Variants in PROS1 observed in about 807,000 individuals in gnomAD.
PROS1 encodes the protein protein S.
A neutral mutation model predicts 75.9 loss-of-function variants in PROS1; 29 were observed. The observed-to-expected ratio is 0.38, with a 90% confidence interval of 0.28 to 0.52. The LOEUF (loss-of-function observed/expected upper bound fraction) is 0.52. Among genes scored for constraint, PROS1 ranks in the 20% least tolerant of loss-of-function variants. PROS1 has a pLI of 0.83. For synonymous variants in PROS1, 245 were observed against 280.6 expected, an observed-to-expected ratio of 0.87 and a Z score of 1.27; for missense variants, 680 against 810.3, an observed-to-expected ratio of 0.84 and a Z score of 1.95.
At chr3:93,970,194 G>A (rs538252753) in intron 1 of PROS1, among the ~76,000 whole-genome samples, 4 of 152,304 alleles carry the variant, frequency 2.6e-5, no homozygotes, top group African/African-American at 7.2e-5. Flanking sequence ...TGAGTCAGTA[G>A]TGTCTAGAGT....
intron 12 of PROS1, among the ~76,000 whole-genome samples, chr3:93,883,637 T>C (rs1314383567): frequency 6.6e-6 from 1 of 151,104 alleles, no homozygotes; most frequent in African/African-American, 2.4e-5. Context: ...AAAAACTAGC[T>C]ACCAAACCAT....
chr3:93,914,554 T>C (rs1412529784), intron 3 of PROS1, among the ~76,000 whole-genome samples: 1 of 152,194 alleles, frequency 6.6e-6, no homozygotes, highest in Middle Eastern at 3.2e-3. Flanking sequence ...GGAAACTGCA[T>C]CAAGGTCTTG....
chr3:93,925,861 T>A (rs1709009494), intron 2 of PROS1, among the ~76,000 whole-genome samples: 1 of 150,692 alleles, frequency 6.6e-6, no homozygotes, highest in African/African-American at 2.4e-5. Context: ...TTTTCATTTC[T>A]CCCCTTTCTG....
Position 93,900,828 on chromosome 3 carries a change from T to A in PROS1, c.703A>T (p.Asn235Tyr), listed in dbSNP as rs779679020. The A allele has an allele frequency of 6.2e-7, 1 of 1,613,546 alleles. No homozygotes were observed. Among genetic ancestry groups the A allele is most frequent in the Non-Finnish European group, 8.5e-7 (1 of 1,179,928 alleles). The change falls in exon 7 of 15, where the codon AAT becomes TAT. Residue 235 changes from asparagine (N) to tyrosine (Y), a missense_variant. Transcript: ENST00000394236. The stretch of plus-strand genomic sequence containing the variant: ...CCTTCACAAGACTTTGATTTGAGAT[T>A]ATATCTGTAGCCTTCGGGGCATTCA... ...ECECPEGYRY[N>Y]LKSKSCEDID...
intron 1 of PROS1, among the ~76,000 whole-genome samples, chr3:93,951,838 T>C (rs1218704688): frequency 6.6e-6 from 1 of 152,028 alleles, no homozygotes; most frequent in Non-Finnish European, 1.5e-5. Flanking sequence ...AGGAGACCAA[T>C]CTCATGTGCA....
rs1382694911 is a variant in PROS1, at chr3:93,884,745, T to C, written c.1475A>G (p.Gln492Arg). Residue 492 changes from glutamine (Q) to arginine (R), a missense_variant, in exon 12 of 15, where the codon CAA becomes CGA. By Grantham distance (43) the Gln-to-Arg change is conservative. Coordinates refer to ENST00000394236, the MANE Select transcript of PROS1 (RefSeq NM_000313.4). ...GSYYPGSGIA[Q>R]FHIDYNNVSS... ...TCACTTACTATAATCTATGTGAAAT[T>C]GAGCAATTCCAGAACCAGGATAGTA... 6.2e-7 allele frequency: 1 copy of C among 1,613,616 alleles called. No homozygotes were observed. Among genetic ancestry groups the C allele is most frequent in the Admixed American group, 1.7e-5 (1 of 59,994 alleles).
chr3:93,919,397 T>G (rs1708909921), intron 3 of PROS1, among the ~76,000 whole-genome samples: 1 of 147,252 alleles, frequency 6.8e-6, no homozygotes, highest in South Asian at 2.2e-4. Context: ...TCTGAAAGTT[T>G]TCTTCTTTGA....
At chr3:93,920,267 A>T (rs1708927489) in intron 3 of PROS1, among the ~76,000 whole-genome samples, 1 of 152,104 alleles carries the variant, frequency 6.6e-6, no homozygotes, top group Non-Finnish European at 1.5e-5. Context: ...AAATAAAATC[A>T]ATTTGAGGAG....
At chr3:93,915,185 G>A (rs1335382779) in intron 3 of PROS1, among the ~76,000 whole-genome samples, 1 of 152,138 alleles carries the variant, frequency 6.6e-6, no homozygotes, top group African/African-American at 2.4e-5. Context: ...TAGCCACAAA[G>A]GCTGGGCACG....
intron 1 of PROS1, among the ~76,000 whole-genome samples, chr3:93,972,980 C>A (rs768476335): frequency 1.6e-4 from 25 of 152,108 alleles, no homozygotes; most frequent in Non-Finnish European, 2.8e-4. Context: ...ACTCAATATC[C>A]TGTCTTGAAT....
intron 13 of PROS1, among the ~76,000 whole-genome samples, chr3:93,877,739 A>G (rs1022028189): frequency 2.6e-5 from 4 of 152,206 alleles, no homozygotes; most frequent in African/African-American, 9.6e-5. Context: ...AGAAGATTCT[A>G]CAGAAAGAAA....
Position 93,934,663 on chromosome 3 carries a change from AAAG to A in PROS1, c.77-7259_77-7257del, listed in dbSNP as rs535285449. Among the ~76,000 whole-genome samples, 392 of 152,322 alleles carry A rather than the reference AAAG, an allele frequency of 2.6e-3. 1 individual carries two copies. Among genetic ancestry groups the A allele is most frequent in the African/African-American group, 8.9e-3 (368 of 41,562 alleles). On this transcript the variant is annotated intron_variant, in intron 1 of 14. Transcript: ENST00000394236. ...TAAAGATTTAAATCCAGGGAGAGAA[AAAG>A]AAGAAGTAATCTGTGAATGAAATGT...
chr3:93,881,182 C>T (rs1305399839), intron 12 of PROS1, among the ~76,000 whole-genome samples: 1 of 151,890 alleles, frequency 6.6e-6, no homozygotes, highest in Admixed American at 6.6e-5. Flanking sequence ...ATTAGCAAGG[C>T]ATGGTGGCAT....
At chr3:93,947,694 G>C (rs1576210472) in intron 1 of PROS1, among the ~76,000 whole-genome samples, 1 of 152,064 alleles carries the variant, frequency 6.6e-6, no homozygotes, top group African/African-American at 2.4e-5. Flanking sequence ...AGCCTCCAGA[G>C]TAGCTGGGAC....
At chr3:93,918,294 C>T (rs1207124317) in intron 3 of PROS1, among the ~76,000 whole-genome samples, 4 of 152,148 alleles carry the variant, frequency 2.6e-5, no homozygotes, top group East Asian at 1.9e-4. Flanking sequence ...ACAGACCACT[C>T]GCTCTATCAA....
chr3:93,969,426 C>T (rs1709841308), intron 1 of PROS1, among the ~76,000 whole-genome samples: 1 of 152,182 alleles, frequency 6.6e-6, no homozygotes, highest in African/African-American at 2.4e-5. Flanking sequence ...TTTCTTATTT[C>T]TGTGTCCTTC....
intron 4 of PROS1, among the ~76,000 whole-genome samples, chr3:93,909,814 G>T (rs996416412): frequency 6.6e-6 from 1 of 151,556 alleles, no homozygotes; most frequent in Non-Finnish European, 1.5e-5. Context: ...TCATAGGATC[G>T]TTTTTTTTGA....
chr3:93,881,193 G>A (rs1708270894), intron 12 of PROS1, among the ~76,000 whole-genome samples: 1 of 151,996 alleles, frequency 6.6e-6, no homozygotes, highest in Non-Finnish European at 1.5e-5. Flanking sequence ...ATGGTGGCAT[G>A]TGGCTGTAGT....
chr3:93,901,335 T>C (rs1037623422), intron 6 of PROS1, among the ~76,000 whole-genome samples: 12 of 152,222 alleles, frequency 7.9e-5, no homozygotes, highest in African/African-American at 2.2e-4. Flanking sequence ...ATCTAATTAG[T>C]ACACTACTAT....
Sources: gnomAD v4.1 joint callset for allele counts (sites outside exome capture counted in the v4.1 genomes callset) on GRCh38, gnomAD v4.1.1 for gene constraint, MANE v1.5 for transcripts, NCBI Gene and HGNC (gene_info 2026-07-23, HGNC 2026-07-21) for gene names.